Variants in SLC12A1 observed in about 807,000 individuals in gnomAD.
SLC12A1 encodes Na-K-2Cl cotransporter.
In SLC12A1, 89 loss-of-function variants were observed where a neutral mutation model predicts 130.4. The ratio of observed to expected loss-of-function variants is 0.68; its 90% CI spans 0.58 to 0.81. The LOEUF (loss-of-function observed/expected upper bound fraction) is 0.81, where lower values mean the gene tolerates loss of function less well. SLC12A1 is among the 40% of genes least tolerant of loss of function. SLC12A1 has a pLI of 0.00. For synonymous variants in SLC12A1, 499 were observed against 460.0 expected (o/e 1.08, Z -1.09); for missense variants, 1,310 against 1,336.4 (o/e 0.98, Z 0.31).
chr15:48,296,934 C>A (rs935464338), intron 24 of SLC12A1, among the ~76,000 whole-genome samples: 1 of 152,140 alleles, frequency 6.6e-6, no homozygotes, highest in Non-Finnish European at 1.5e-5. Flanking sequence ...GCAAATACAG[C>A]CCCGTTATCA....
intron 24 of SLC12A1, among the ~76,000 whole-genome samples, chr15:48,293,607 G>C (rs1447169678): frequency 6.6e-6 from 1 of 151,962 alleles, no homozygotes; most frequent in Non-Finnish European, 1.5e-5. Flanking sequence ...TTGATTTATT[G>C]CTATTCTATA....
At chr15:48,240,312 C>G (rs573843347) in intron 9 of SLC12A1, among the ~76,000 whole-genome samples, 1 of 151,714 alleles carries the variant, frequency 6.6e-6, no homozygotes, top group Non-Finnish European at 1.5e-5. Context: ...GTGTGCTGCC[C>G]CATTGCATAC....
intron 25 of SLC12A1, 103 bp downstream of exon 25, chr15:48,299,378 C>G: frequency 9.7e-7 from 1 of 1,029,032 alleles, no homozygotes; most frequent in East Asian, 3.1e-5. Flanking sequence ...TATCAAATGT[C>G]ATTATTCAAG....
At position 48,230,331 on chromosome 15, in the gene SLC12A1, C is replaced by T. The variant is rs886220054; in HGVS notation, c.865-62C>T. ...TAGTATCTCTTTTTACTGTTAAATGCTGCAATAAGACTCACATGCAAAAAG... is the reference window on the plus strand; with the variant it reads ...TAGTATCTCTTTTTACTGTTAAATGTTGCAATAAGACTCACATGCAAAAAG... On this transcript the variant is annotated intron_variant, in intron 6 of 26. Transcript: ENST00000380993. 6.3e-6 allele frequency: 6 copies of T among 953,790 alleles called. No individual in the cohort carries two copies. The African/African-American group carries it at 6.5e-5, about 10-fold the overall frequency. 59.1% of individuals were successfully genotyped at this position (953,790 alleles called of 1,614,324 possible). A position where few individuals can be genotyped will look rare whatever the true frequency, so the allele number is the denominator to read the frequency against.
chr15:48,240,186 A>G (rs1010312202), intron 9 of SLC12A1, among the ~76,000 whole-genome samples: 2 of 150,176 alleles, frequency 1.3e-5, no homozygotes, highest in African/African-American at 2.4e-5. Flanking sequence ...TCAGTTCTTT[A>G]CATTTTACTC....
intron 25 of SLC12A1, among the ~76,000 whole-genome samples, chr15:48,299,914 G>C (rs1021917671): frequency 1.3e-5 from 2 of 152,108 alleles, no homozygotes; most frequent in Admixed American, 1.3e-4. Flanking sequence ...TGGATTGGAC[G>C]GAAATGAAAA....
chr15:48,300,563 C>A (rs1375807765), intron 25 of SLC12A1, among the ~76,000 whole-genome samples: 2 of 151,932 alleles, frequency 1.3e-5, no homozygotes, highest in African/African-American at 2.4e-5. Flanking sequence ...AAAATTCGAG[C>A]AAGAAACGCT....
At chr15:48,216,164 C>A (rs1219589313) in intron 2 of SLC12A1, among the ~76,000 whole-genome samples, 1 of 152,122 alleles carries the variant, frequency 6.6e-6, no homozygotes, top group Admixed American at 6.6e-5. Flanking sequence ...ATTGACTACA[C>A]CTTTGAATAA....
chr15:48,259,566 T>A (rs2041746959), intron 17 of SLC12A1, among the ~76,000 whole-genome samples: 1 of 152,144 alleles, frequency 6.6e-6, no homozygotes, highest in East Asian at 1.9e-4. Flanking sequence ...TGATGGCCTT[T>A]GAGTCAAGAA....
intron 11 of SLC12A1, among the ~76,000 whole-genome samples, chr15:48,246,260 A>G (rs1159462453): frequency 6.6e-6 from 1 of 152,192 alleles, no homozygotes; most frequent in African/African-American, 2.4e-5. Flanking sequence ...ACTAGTAAAC[A>G]GCTGAGTCCC....
intron 20 of SLC12A1, among the ~76,000 whole-genome samples, chr15:48,282,361 G>A (rs192171691): frequency 4.6e-5 from 7 of 152,098 alleles, no homozygotes; most frequent in African/African-American, 1.4e-4. Context: ...TGTTGGAATC[G>A]CTCCCAGTTC....
rs539715663 is a variant in SLC12A1 at position 48,258,562 on chromosome 15, G to A, written c.2043-638G>A. On this transcript the variant is annotated intron_variant, in intron 16 of 26. Transcript: ENST00000380993. ...TCTTCTGAGCCCTCCAAGTCTCTAG[G>A]AAGTTCCAAACTTTCCCACATTTTT... Among the ~76,000 whole-genome samples, 27 of 152,066 alleles carry A rather than the reference G, an allele frequency of 1.8e-4. 1 individual carries two copies. In the South Asian group the frequency reaches 4.6e-3, roughly 26 times the overall value.
At chr15:48,256,704 C>G (rs890665026) in intron 16 of SLC12A1, among the ~76,000 whole-genome samples, 4 of 152,154 alleles carry the variant, frequency 2.6e-5, no homozygotes, top group African/African-American at 9.6e-5. Context: ...AAAACCCACC[C>G]CCATGATTCA....
intron 15 of SLC12A1, among the ~76,000 whole-genome samples, chr15:48,255,363 G>A (rs564863736): frequency 1.3e-5 from 2 of 151,934 alleles, no homozygotes; most frequent in East Asian, 1.9e-4. Context: ...TCTTGAACCC[G>A]GGAGGTGGAG....
intron 19 of SLC12A1, among the ~76,000 whole-genome samples, chr15:48,270,772 A>AC (rs1566849895): frequency 9.7e-6 from 1 of 103,070 alleles, no homozygotes; most frequent in Admixed American, 9.5e-5. Context: ...ATATATATAT[A>AC]TATATATATA....
chr15:48,248,433 C>G (rs565349673), intron 13 of SLC12A1, among the ~76,000 whole-genome samples: 4 of 152,324 alleles, frequency 2.6e-5, no homozygotes, highest in Non-Finnish European at 5.9e-5. Context: ...AATAAGCAAC[C>G]AAAGTTTTTA....
At chr15:48,278,382 C>T (rs1419518774) in intron 20 of SLC12A1, among the ~76,000 whole-genome samples, 3 of 152,202 alleles carry the variant, frequency 2.0e-5, no homozygotes, top group Non-Finnish European at 2.9e-5. Context: ...AAAATGGGGG[C>T]TTACCCAAGA....
At chr15:48,259,510 T>C (rs769156168) in intron 17 of SLC12A1, among the ~76,000 whole-genome samples, 199 bp downstream of exon 17, 2 of 152,186 alleles carry the variant, frequency 1.3e-5, no homozygotes, top group African/African-American at 2.4e-5. Flanking sequence ...TGTAAAGCGT[T>C]TCAGATTTCA....
In SLC12A1 at chr15:48,278,534, A is replaced by T. The variant is rs966066214; in HGVS notation, c.2485+3881A>T. 3.9e-5 allele frequency among the ~76,000 whole-genome samples: 6 copies of T among 152,186 alleles called. No individual in the cohort carries two copies. The South Asian group carries it at 1.2e-3, about 32-fold the overall frequency. Reference sequence around the variant, plus strand: ...TGGTGAAATCTGAGCTCTGGGAATGAGGCAAAGCTGTTTCTATGTGTTCCT... The same window carrying T: ...TGGTGAAATCTGAGCTCTGGGAATGTGGCAAAGCTGTTTCTATGTGTTCCT... On this transcript the variant is annotated intron_variant, in intron 20 of 26. Transcript: ENST00000380993.
Sources: gnomAD v4.1 joint callset for allele counts (sites outside exome capture counted in the v4.1 genomes callset) on GRCh38, gnomAD v4.1.1 for gene constraint, MANE v1.5 for transcripts, NCBI Gene and HGNC (gene_info 2026-07-23, HGNC 2026-07-21) for gene names.